Variants in VCL observed in about 807,000 individuals in gnomAD.
VCL encodes epididymis luminal protein 114.
VCL carries 47 observed loss-of-function variants against 125.7 expected under a neutral mutation model. The ratio of observed to expected loss-of-function variants is 0.37; its 90% CI spans 0.30 to 0.48. The LOEUF (loss-of-function observed/expected upper bound fraction) is 0.48, where lower values mean the gene tolerates loss of function less well. Ranked by LOEUF, VCL falls within the 20% of genes least tolerant of loss-of-function variation. VCL has a pLI of 0.99. For synonymous variants in VCL, 458 were observed against 514.6 expected (o/e 0.89, Z 1.49); for missense variants, 1,069 against 1,455.5 (o/e 0.73, Z 4.32).
intron 6 of VCL, chr10:74,076,269 C>G (rs1292868942): frequency 6.6e-6 from 1 of 152,648 alleles, no homozygotes. Flanking sequence ...CTAGGCAGTG[C>G]TGGGGAGACT....
At chr10:74,040,253 G>A (rs1334035954) in intron 1 of VCL, among the ~76,000 whole-genome samples, 2 of 152,154 alleles carry the variant, frequency 1.3e-5, no homozygotes, top group Non-Finnish European at 2.9e-5. Context: ...TTCCGTGAAG[G>A]CAGGAAACTT....
intron 11 of VCL, among the ~76,000 whole-genome samples, chr10:74,095,384 G>C (rs1839951522): frequency 6.6e-6 from 1 of 152,040 alleles, no homozygotes; most frequent in Non-Finnish European, 1.5e-5. Flanking sequence ...TGAACTCAGG[G>C]GTTTGAGACC....
intron 8 of VCL, 97 bp downstream of exon 8, chr10:74,083,610 T>C: frequency 6.8e-7 from 1 of 1,464,250 alleles, no homozygotes; most frequent in Non-Finnish European, 9.4e-7. Context: ...AGTTATCTCT[T>C]TGGCTAGTAG....
At chr10:74,091,161 A>G (rs1455674515) in intron 10 of VCL, among the ~76,000 whole-genome samples, 1 of 152,200 alleles carries the variant, frequency 6.6e-6, no homozygotes, top group Non-Finnish European at 1.5e-5. Context: ...AGCACATGCT[A>G]AAATAACACT....
chr10:74,091,746 GCCGCTGCACTCCAGC>G (rs1189519068), intron 10 of VCL, among the ~76,000 whole-genome samples: 2 of 130,318 alleles, frequency 1.5e-5, no homozygotes, highest in Non-Finnish European at 3.1e-5. Flanking sequence ...CTGAGATTGT[GCCGCTGCACTCCAGC>G]CTGGGTGACA....
intron 2 of VCL, 40 bp from the exon 3 acceptor site, chr10:74,070,630 G>A (rs1289106487): frequency 6.2e-7 from 1 of 1,613,214 alleles, no homozygotes; most frequent in Admixed American, 1.7e-5. Context: ...ATTCTTCTGT[G>A]TGGTTCTGCC....
At chr10:74,047,374 G>A (rs1841211851) in intron 2 of VCL, among the ~76,000 whole-genome samples, 2 of 152,200 alleles carry the variant, frequency 1.3e-5, no homozygotes, top group Admixed American at 6.5e-5. Context: ...GCAAAATGAA[G>A]CAGAAAATAG....
rs1437853684 is a variant in VCL at position 74,097,108 on chromosome 10, CTGAATAGA to C, written c.1744-90_1744-83del. On this transcript the variant is annotated intron_variant, in intron 12 of 21. Coordinates refer to ENST00000211998, the MANE Select transcript of VCL (RefSeq NM_014000.3). The surrounding 1 kb of genome is among the most constrained non-coding windows in gnomAD (Gnocchi z 4.1). ...TAACAAATATTTATTGAATGAAAGA[CTGAATAGA>C]TGAATGAATGTCAGTGAAGTAAGGG... 5.9e-6 allele frequency: 9 copies of C among 1,535,976 alleles called. No individual in the cohort carries two copies. In the Admixed American group the frequency reaches 1.5e-4, roughly 26 times the overall value.
Position 74,107,359 on chromosome 10 carries a change from G to A in VCL, c.2559+5G>A. 1 of 1,614,186 alleles carries A rather than the reference G, an allele frequency of 6.2e-7. No homozygotes were observed. Among genetic ancestry groups the A allele is most frequent in the Non-Finnish European group, 8.5e-7 (1 of 1,180,026 alleles). On this transcript the variant is annotated splice_donor_5th_base_variant and intron_variant, in intron 17 of 21. Transcript: ENST00000211998. ...CCAGACCTTGAACAACTCCGAGTAA[G>A]TAAATTCAGATATGCAGAGAATTGA...
At chr10:74,101,181 C>T (rs538679223) in intron 14 of VCL, 84 bp downstream of exon 14, 25 of 1,532,350 alleles carry the variant, frequency 1.6e-5, no homozygotes, top group Middle Eastern at 1.8e-4. Context: ...GAATACTTAC[C>T]GTAAGATGGC....
rs527725017 is a variant in VCL at position 74,040,468 on chromosome 10, C to A, written c.169-2615C>A. On this transcript the variant is annotated intron_variant, in intron 1 of 21. Transcript: ENST00000211998. Reference sequence around the variant, plus strand: ...ATATATAAAAGGAATCTCTCTGTGTCTTAAATGTGAATATCTTTCTAGGCC... The same window carrying A: ...ATATATAAAAGGAATCTCTCTGTGTATTAAATGTGAATATCTTTCTAGGCC... Among the ~76,000 whole-genome samples the A allele has an allele frequency of 2.0e-5, 3 of 152,170 alleles. No homozygotes were observed. The South Asian group carries it at 6.2e-4, about 31-fold the overall frequency.
chr10:74,095,578 G>A lies in VCL; in HGVS notation c.1544-78G>A, dbSNP rs1170853763. On this transcript the variant is annotated intron_variant, in intron 11 of 21. Transcript: ENST00000211998. The stretch of plus-strand genomic sequence containing the variant: ...TCCAGCTTGGGTGATAGAGCAAGAC[G>A]CCACATCGCACCACAGAATGGCATT... 35 of 1,585,550 alleles carry A rather than the reference G, an allele frequency of 2.2e-5. No homozygotes were observed. In the East Asian group the frequency reaches 2.7e-4, roughly 12 times the overall value.
chr10:74,007,446 T>A (rs1840340649), intron 1 of VCL, among the ~76,000 whole-genome samples: 2 of 152,188 alleles, frequency 1.3e-5, no homozygotes, highest in Admixed American at 1.3e-4. Flanking sequence ...TCTCACTAAG[T>A]TGTAGGTTCC....
intron 1 of VCL, among the ~76,000 whole-genome samples, chr10:74,001,797 G>A (rs1158082253): frequency 1.3e-5 from 2 of 152,148 alleles, no homozygotes; most frequent in Non-Finnish European, 2.9e-5. Flanking sequence ...TTTCTTGGGA[G>A]TTACTTTGGG....
chr10:74,038,451 CTA>C (rs1841029280), intron 1 of VCL, among the ~76,000 whole-genome samples: 1 of 152,310 alleles, frequency 6.6e-6, no homozygotes, highest in Admixed American at 6.5e-5. Flanking sequence ...GGCATTCATT[CTA>C]TATAGTCATG....
At chr10:74,066,884 C>T (rs898256516) in intron 2 of VCL, among the ~76,000 whole-genome samples, 7 of 152,088 alleles carry the variant, frequency 4.6e-5, no homozygotes, top group Admixed American at 1.3e-4. Flanking sequence ...GTTGGCCAGG[C>T]TGGTTTCGAA....
intron 7 of VCL, 138 bp downstream of exon 7, chr10:74,082,682 A>T: frequency 1.1e-6 from 1 of 901,760 alleles, no homozygotes; most frequent in Non-Finnish European, 1.8e-6. Flanking sequence ...ATTATCTGAT[A>T]GTTCTGAGTA....
intron 20 of VCL, 87 bp downstream of exon 20, chr10:74,114,474 G>C: frequency 6.1e-6 from 9 of 1,467,342 alleles, no homozygotes; most frequent in Non-Finnish European, 8.4e-6. Context: ...GTATGAGAGG[G>C]AGAAAAGCAG....
intron 15 of VCL, 129 bp from the exon 16 acceptor site, chr10:74,104,922 A>T: frequency 9.5e-7 from 1 of 1,049,114 alleles, no homozygotes; most frequent in Non-Finnish European, 1.4e-6. Context: ...ATTATGTAGG[A>T]AGAGTTTGAG....
Sources: allele counts gnomAD v4.1 joint callset (sites outside exome capture counted in the v4.1 genomes callset), GRCh38; gene constraint gnomAD v4.1.1; non-coding constraint Gnocchi (gnomAD v3.1); transcripts MANE v1.5; gene names NCBI Gene and HGNC (gene_info 2026-07-23, HGNC 2026-07-21).